The following ATP8B2 variants were observed in gnomAD, a reference collection of about 807,000 sequenced individuals.
ATP8B2 encodes the protein ATPase phospholipid transporting 8B2.
A neutral mutation model predicts 133.4 loss-of-function variants in ATP8B2; 70 were observed. That is an observed-to-expected ratio of 0.52 (90% CI 0.43 to 0.64). ATP8B2 has a LOEUF of 0.64. Among genes scored for constraint, ATP8B2 ranks in the 30% least tolerant of loss-of-function variants. The pLI, the probability that ATP8B2 is intolerant of heterozygous loss-of-function variation, is 0.00. For missense variants in ATP8B2, 1,101 were observed against 1,535.7 expected, an observed-to-expected ratio of 0.72 and a Z score of 4.73; for synonymous variants, 517 against 589.5, an observed-to-expected ratio of 0.88 and a Z score of 1.78.
chr1:154,344,128 T>C lies in ATP8B2; in HGVS notation c.1924-15T>C. ...CCTGCAATTCTTGTGCCAGGAATCC[T>C]TGTGGTATTTTCAGCTGCTGGGTGC... is the stretch of plus-strand genomic sequence containing the variant. On this transcript the variant is annotated splice_polypyrimidine_tract_variant and intron_variant, in intron 18 of 27. Transcript: ENST00000368489. The surrounding 1 kb of genome is among the most constrained non-coding windows in gnomAD (Gnocchi z 4.1). The C allele has an allele frequency of 6.2e-7, 1 of 1,614,154 alleles. No homozygotes were observed. Among genetic ancestry groups the C allele is most frequent in the Non-Finnish European group, 8.5e-7 (1 of 1,180,014 alleles).
intron 13 of ATP8B2, chr1:154,341,376 C>G (rs1199831404): frequency 2.5e-6 from 1 of 399,766 alleles, no homozygotes. Flanking sequence ...TCTCAGCTGG[C>G]CAGTGACTCA....
At chr1:154,337,849 G>T in intron 12 of ATP8B2, 3 of 1,045,380 alleles carry the variant, frequency 2.9e-6, no homozygotes, top group Non-Finnish European at 3.9e-6. Context: ...ATTAGGAATG[G>T]ATCTCCTTCC....
At chr1:154,327,632 T>C (rs567950472) in intron 1 of ATP8B2, among the ~76,000 whole-genome samples, 1 of 152,242 alleles carries the variant, frequency 6.6e-6, no homozygotes, top group Non-Finnish European at 1.5e-5. Flanking sequence ...AGGGAACTTA[T>C]AAGCCTTTCG....
In ATP8B2 at chr1:154,330,890, G is replaced by A. The variant is rs757197837; in HGVS notation, c.166G>A (p.Val56Ile). 1 of 1,614,096 alleles carries A rather than the reference G, an allele frequency of 6.2e-7. No individual in the cohort carries two copies. Among genetic ancestry groups the A allele is most frequent in the South Asian group, 1.1e-5 (1 of 91,076 alleles). The change falls in exon 4 of 28, where the codon GTT becomes ATT. Residue 56 changes from valine to isoleucine, a missense_variant. Transcript: ENST00000368489. ...PVNLFEQFQE[V>I]ANTYFLFLLI... ...CAACCTCTTTGAGCAGTTCCAGGAAGTTGCCAACACTTACTTCCTGTTCCT... is the reference window on the plus strand; with the variant it reads ...CAACCTCTTTGAGCAGTTCCAGGAAATTGCCAACACTTACTTCCTGTTCCT...
Position 154,340,657 on chromosome 1 carries a change from G to A in ATP8B2, c.1035-197G>A, listed in dbSNP as rs753525518. On this transcript the variant is annotated intron_variant, in intron 12 of 27. Coordinates refer to ENST00000368489, the MANE Select transcript of ATP8B2 (RefSeq NM_001370597.1). This position sits in a 1 kb window ranked among gnomAD's most constrained non-coding sequence, Gnocchi z 4.0. The stretch of plus-strand genomic sequence containing the variant: ...TGGAGAGCATCAGGAGGGTCGGGTC[G>A]GGGCGTTCCTCTGCTGGCTGTGTGC... 9 of 608,872 alleles carry A rather than the reference G, an allele frequency of 1.5e-5. No homozygotes were observed. Among genetic ancestry groups the A allele is most frequent in the Non-Finnish European group, 2.4e-5 (8 of 335,012 alleles). The allele number at this position is 608,872 out of a possible 1,614,324, so 37.7% of individuals were successfully genotyped here.
intron 12 of ATP8B2, among the ~76,000 whole-genome samples, chr1:154,338,004 C>T (rs1046615582): frequency 1.3e-5 from 2 of 152,198 alleles, no homozygotes; most frequent in African/African-American, 4.8e-5. Context: ...CTGCCTTTAG[C>T]AGCAGCAGAT....
Position 154,349,052 on chromosome 1 carries a change from G to C in ATP8B2, c.3507G>C (p.Leu1169=). 1 of 1,614,250 alleles carries C rather than the reference G, an allele frequency of 6.2e-7. No homozygotes were observed. The highest frequency in any genetic ancestry group is 8.5e-7 in the Non-Finnish European group (1 of 1,180,036). The change falls in exon 28 of 28, where the codon CTG becomes CTC. Residue 1169 remains leucine, a synonymous_variant. Coordinates refer to ENST00000368489, the MANE Select transcript of ATP8B2 (RefSeq NM_001370597.1). ...CCAGCTCCAGCTGGATTGAGAGCCT[G>C]CGCAGGAAGAAGAGTGACAGTGCCA... ...TRSSSSWIES[L]RRKKSDSASS... is the part of the protein sequence containing the mutation.
intron 11 of ATP8B2, among the ~76,000 whole-genome samples, chr1:154,336,777 G>A (rs1570858027): frequency 6.7e-6 from 1 of 148,468 alleles, no homozygotes; most frequent in East Asian, 2.0e-4. Flanking sequence ...TTATAGGTGT[G>A]AGTCACTGCA....
rs769630285 is a variant in ATP8B2, at chr1:154,332,697, G to A, written c.589G>A (p.Gly197Ser). The A allele has an allele frequency of 7.6e-6, 12 of 1,570,628 alleles. No individual in the cohort carries two copies. Among genetic ancestry groups the A allele is most frequent in the East Asian group, 2.3e-5 (1 of 42,972 alleles). ...CATCAGTAAGCTTGCCAAGTTTGAC[G>A]GTGAGTAATTTTGGAGGAGCAGCCT... ...GDISKLAKFD[G>S]EVICEPPNNK... The change falls in exon 9 of 28, where the codon GGT (glycine) becomes AGT (serine). Residue 197 changes from glycine (G) to serine (S), a missense_variant and splice_region_variant. Transcript: ENST00000368489.
At position 154,345,186 on chromosome 1, in the gene ATP8B2, G is replaced by T. The variant is rs1686541017; in HGVS notation, c.2470+32G>T. 1.9e-6 allele frequency: 3 copies of T among 1,605,656 alleles called. No individual in the cohort carries two copies. Among genetic ancestry groups the T allele is most frequent in the Non-Finnish European group, 2.6e-6 (3 of 1,174,290 alleles). On this transcript the variant is annotated intron_variant, in intron 22 of 27. Coordinates refer to ENST00000368489, the MANE Select transcript of ATP8B2 (RefSeq NM_001370597.1). This position sits in a 1 kb window ranked among gnomAD's most constrained non-coding sequence, Gnocchi z 5.6. ...GTGGGCTGTGCAGGTGTGTAGGCTG[G>T]GCTTGAGGCTGGGGAGGGGCCCACT... is the stretch of plus-strand genomic sequence containing the variant.
At position 154,328,475 on chromosome 1, in the gene ATP8B2, C is replaced by T. The variant is rs975065852; in HGVS notation, c.31+303C>T. Among the ~76,000 whole-genome samples, 2 of 152,202 alleles carry T rather than the reference C, an allele frequency of 1.3e-5. No homozygotes were observed. The highest frequency in any genetic ancestry group is 4.8e-5 in the African/African-American group (2 of 41,464). On this transcript the variant is annotated intron_variant, in intron 2 of 27. Coordinates refer to ENST00000368489, the MANE Select transcript of ATP8B2 (RefSeq NM_001370597.1). The surrounding 1 kb of genome is among the most constrained non-coding windows in gnomAD (Gnocchi z 4.6). ...AGCTGTGTTCTCATCTCTGCTTGGT[C>T]CTCTCACCCCTTCCCTGCTCCCCTC...
In ATP8B2 at chr1:154,350,059, TTTTTTC is replaced by T. The variant is rs1315821155; in HGVS notation, c.*953_*958del. The stretch of plus-strand genomic sequence containing the variant: ...AGTGGGGAGGGGTAGTTTTCTTTTC[TTTTTTC>T]TTTTTCTTTTTTTCTTTTTTTTTTT... On this transcript the variant is annotated 3_prime_UTR_variant, in exon 28 of 28. Transcript: ENST00000368489. 2.0e-5 allele frequency: 3 copies of T among 152,198 alleles called. No homozygotes were observed. The highest frequency in any genetic ancestry group is 7.2e-5 in the African/African-American group (3 of 41,522). 9.4% of individuals were successfully genotyped at this position (152,198 alleles called of 1,614,324 possible). A position where few individuals can be genotyped will look rare whatever the true frequency, so the allele number is the denominator to read the frequency against.
chr1:154,326,028 C>T (rs1430575037), intron 1 of ATP8B2, among the ~76,000 whole-genome samples: 1 of 152,074 alleles, frequency 6.6e-6, no homozygotes, highest in Non-Finnish European at 1.5e-5. Context: ...AGGGGAGACC[C>T]GCCCAGAGAG....
chr1:154,338,149 G>A (rs540787707), intron 12 of ATP8B2, among the ~76,000 whole-genome samples: 1 of 152,304 alleles, frequency 6.6e-6, no homozygotes, highest in South Asian at 2.1e-4. Context: ...TTTGCTCTGG[G>A]CTTTGAGTGG....
chr1:154,338,844 A>G (rs1486913620), intron 12 of ATP8B2: 2 of 152,252 alleles, frequency 1.3e-5, no homozygotes, highest in African/African-American at 2.4e-5. Context: ...AAAAAACTAA[A>G]GAATGCTTTA....
chr1:154,339,116 A>T (rs1018727156), intron 12 of ATP8B2, among the ~76,000 whole-genome samples: 2 of 152,360 alleles, frequency 1.3e-5, no homozygotes, highest in African/African-American at 4.8e-5. Context: ...TCTTTTGTTC[A>T]TACAGATTCC....
rs2149179198 is a variant in ATP8B2 at position 154,349,970 on chromosome 1, G to C, written c.*852G>C. The stretch of plus-strand genomic sequence containing the variant: ...GATTCCTTAGTCCTGCTGGCCTTGG[G>C]CTGGAGCCTAGGAAAGTGGCCCCCA... On this transcript the variant is annotated 3_prime_UTR_variant, in exon 28 of 28. Transcript: ENST00000368489. 1 of 152,532 alleles carries C rather than the reference G, an allele frequency of 6.6e-6. No individual in the cohort carries two copies. Among genetic ancestry groups the C allele is most frequent in the African/African-American group, 2.4e-5 (1 of 41,554 alleles). 9.4% of individuals were successfully genotyped at this position (152,532 alleles called of 1,614,324 possible).
chr1:154,330,479 C>T (rs1685945559), intron 3 of ATP8B2, 25 bp downstream of exon 3: 12 of 1,611,282 alleles, frequency 7.4e-6, no homozygotes, highest in South Asian at 2.2e-5. Flanking sequence ...ACCACCTGTT[C>T]CCTCTCTCTG....
Position 154,342,970 on chromosome 1 carries a change from A to G in ATP8B2, c.1453+9A>G, listed in dbSNP as rs1686436382. On this transcript the variant is annotated intron_variant, in intron 15 of 27. Transcript: ENST00000368489. The stretch of plus-strand genomic sequence containing the variant: ...AGAAGAAAAGAACGAAGGTGGGCCG[A>G]GGAGCCGGCTCGCACTCTCCTGACC... 3 of 1,613,552 alleles carry G rather than the reference A, an allele frequency of 1.9e-6. No individual in the cohort carries two copies. The highest frequency in any genetic ancestry group is 2.5e-6 in the Non-Finnish European group (3 of 1,179,700).
Sources: gnomAD v4.1 joint callset for allele counts (sites outside exome capture counted in the v4.1 genomes callset) on GRCh38, gnomAD v4.1.1 for gene constraint, Gnocchi (gnomAD v3.1) non-coding constraint, MANE v1.5 for transcripts, NCBI Gene and HGNC (gene_info 2026-07-23, HGNC 2026-07-21) for gene names.